The following CARMIL1 variants were observed in gnomAD, a reference collection of about 807,000 sequenced individuals.
The protein encoded by CARMIL1 is F-actin-uncapping protein LRRC16A.
In CARMIL1, 90 loss-of-function variants were observed where a neutral mutation model predicts 177.1. That is an observed-to-expected ratio of 0.51 (90% CI 0.43 to 0.61). The LOEUF (loss-of-function observed/expected upper bound fraction) is 0.61, where lower values mean the gene tolerates loss of function less well. CARMIL1 is among the 20% of genes least tolerant of loss of function. CARMIL1 has a pLI of 0.00. For synonymous variants in CARMIL1, 577 were observed against 606.2 expected, an observed-to-expected ratio of 0.95 and a Z score of 0.71; for missense variants, 1,380 against 1,667.0, an observed-to-expected ratio of 0.83 and a Z score of 3.00.
intron 31 of CARMIL1, among the ~76,000 whole-genome samples, chr6:25,584,125 TCAA>T (rs1813410496): frequency 3.3e-5 from 5 of 149,356 alleles, no homozygotes; most frequent in African/African-American, 1.2e-4. Flanking sequence ...ACTCTTGGGC[TCAA>T]GCAATAACAA....
chr6:25,492,046 C>G, intron 15 of CARMIL1, 22 bp downstream of exon 15: 1 of 1,597,462 alleles, frequency 6.3e-7, no homozygotes, highest in Non-Finnish European at 8.6e-7. Flanking sequence ...TTTCTGCTCT[C>G]ATTGTCATCT....
At chr6:25,384,442 C>CAATAGGT (rs1791942185) in intron 2 of CARMIL1, among the ~76,000 whole-genome samples, 1 of 152,184 alleles carries the variant, frequency 6.6e-6, no homozygotes, top group African/African-American at 2.4e-5. Context: ...GCCACGTGTA[C>CAATAGGT]AATAGGTACT....
intron 2 of CARMIL1, among the ~76,000 whole-genome samples, chr6:25,322,242 C>T (rs1161342738): frequency 2.6e-5 from 4 of 152,284 alleles, no homozygotes; most frequent in East Asian, 3.9e-4. Context: ...TGTGCCTCAG[C>T]GTTCTGATTA....
At chr6:25,422,689 A>C (rs191587368) in intron 3 of CARMIL1, among the ~76,000 whole-genome samples, 2 of 152,296 alleles carry the variant, frequency 1.3e-5, no homozygotes, top group East Asian at 3.9e-4. Flanking sequence ...GTAAGATATT[A>C]ATTACAGAAG....
At chr6:25,570,186 G>C (rs1048739470) in intron 29 of CARMIL1, among the ~76,000 whole-genome samples, 4 of 152,088 alleles carry the variant, frequency 2.6e-5, no homozygotes, top group Non-Finnish European at 5.9e-5. Context: ...GGATGGTCTC[G>C]ATCTCCTGAG....
intron 2 of CARMIL1, among the ~76,000 whole-genome samples, chr6:25,298,429 G>C (rs1782598201): frequency 6.6e-6 from 1 of 152,162 alleles, no homozygotes; most frequent in Non-Finnish European, 1.5e-5. Context: ...TCACTCTGCT[G>C]TTCTTAAAGA....
intron 2 of CARMIL1, among the ~76,000 whole-genome samples, chr6:25,382,153 A>G (rs1336117133): frequency 1.3e-5 from 2 of 152,178 alleles, no homozygotes; most frequent in South Asian, 2.1e-4. Context: ...GCTGGAGTGC[A>G]GTGGCTCAAT....
chr6:25,456,399 A>G (rs1799535950), intron 8 of CARMIL1, among the ~76,000 whole-genome samples: 1 of 152,242 alleles, frequency 6.6e-6, no homozygotes, highest in Non-Finnish European at 1.5e-5. Flanking sequence ...TGATCATGCT[A>G]GATCTAGCCA....
chr6:25,353,297 G>A (rs1268133829), intron 2 of CARMIL1, among the ~76,000 whole-genome samples: 2 of 152,224 alleles, frequency 1.3e-5, no homozygotes, highest in African/African-American at 4.8e-5. Context: ...GGAGAGATGT[G>A]TTATTATCCC....
intron 8 of CARMIL1, among the ~76,000 whole-genome samples, chr6:25,456,052 G>A (rs577881295): frequency 6.6e-6 from 1 of 152,236 alleles, no homozygotes; most frequent in East Asian, 1.9e-4. Flanking sequence ...TTCAGACATA[G>A]GCCCCGTGTT....
intron 2 of CARMIL1, among the ~76,000 whole-genome samples, chr6:25,340,536 CATAATGCCCAG>C (rs1317353955): frequency 6.6e-6 from 1 of 152,138 alleles, no homozygotes; most frequent in Non-Finnish European, 1.5e-5. Context: ...GAGCAGAGTA[CATAATGCCCAG>C]ATAGGCCAAT....
chr6:25,469,298 A>G (rs2150933580), intron 9 of CARMIL1, among the ~76,000 whole-genome samples: 1 of 152,324 alleles, frequency 6.6e-6, no homozygotes, highest in African/African-American at 2.4e-5. Context: ...ATACTTGGCT[A>G]GAGAACTTGT....
At chr6:25,501,714 A>G (rs1804356730) in intron 17 of CARMIL1, among the ~76,000 whole-genome samples, 1 of 152,148 alleles carries the variant, frequency 6.6e-6, no homozygotes, top group African/African-American at 2.4e-5. Flanking sequence ...GCTTGGATGT[A>G]ACTTTCTGGA....
chr6:25,567,158 G>A (rs1434507692), intron 29 of CARMIL1, among the ~76,000 whole-genome samples: 9 of 152,166 alleles, frequency 5.9e-5, no homozygotes, highest in African/African-American at 1.7e-4. Flanking sequence ...TCTCAAACAC[G>A]TTCTCTGTCT....
intron 2 of CARMIL1, among the ~76,000 whole-genome samples, chr6:25,315,197 A>G (rs182948792): frequency 6.8e-4 from 104 of 152,346 alleles, no homozygotes; most frequent in Admixed American, 3.7e-3. Flanking sequence ...GTCTTAGATT[A>G]TAAGGACAGT....
intron 2 of CARMIL1, among the ~76,000 whole-genome samples, chr6:25,309,093 G>A (rs886662105): frequency 2.0e-5 from 3 of 152,076 alleles, no homozygotes; most frequent in Admixed American, 6.5e-5. Flanking sequence ...TCACTATGTT[G>A]CCCAGGCTGG....
intron 2 of CARMIL1, among the ~76,000 whole-genome samples, chr6:25,286,675 C>G (rs1015707331): frequency 6.6e-6 from 1 of 152,140 alleles, no homozygotes; most frequent in African/African-American, 2.4e-5. Context: ...ATCAACTTCT[C>G]TACAACTTAA....
intron 2 of CARMIL1, among the ~76,000 whole-genome samples, chr6:25,337,503 G>T (rs1983581): frequency 0.43 from 65,283 of 152,094 alleles, 14,235 homozygotes; most frequent in African/African-American, 0.51. Flanking sequence ...GAATGTCAAG[G>T]TAATTGTCTT....
intron 8 of CARMIL1, among the ~76,000 whole-genome samples, chr6:25,456,982 ATT>A (rs112794224): frequency 0.022 from 3,076 of 139,736 alleles, 70 homozygotes; most frequent in African/African-American, 0.06. Flanking sequence ...TCAAAGCTCC[ATT>A]TTTTTTTTTT....
Sources: allele counts gnomAD v4.1 joint callset (sites outside exome capture counted in the v4.1 genomes callset), GRCh38; gene constraint gnomAD v4.1.1; transcripts MANE v1.5; gene names NCBI Gene and HGNC (gene_info 2026-07-23, HGNC 2026-07-21).